Variants in MTHFD2L observed in about 807,000 individuals in gnomAD.
The protein encoded by MTHFD2L is bifunctional methylenetetrahydrofolate dehydrogenase/cyclohydrolase 2, mitochondrial.
A neutral mutation model predicts 34.9 loss-of-function variants in MTHFD2L; 29 were observed. That is an observed-to-expected ratio of 0.83 (90% confidence interval 0.62 to 1.13). The LOEUF (loss-of-function observed/expected upper bound fraction) is 1.13, where lower values mean the gene tolerates loss of function less well. Among genes scored for constraint, MTHFD2L ranks in the 50% most tolerant of loss-of-function variants. The pLI, the probability that MTHFD2L is intolerant of heterozygous loss-of-function variation, is 0.00. For synonymous variants in MTHFD2L, 167 were observed against 155.7 expected, an observed-to-expected ratio of 1.07 and a Z score of -0.54; for missense variants, 481 against 446.5, an observed-to-expected ratio of 1.08 and a Z score of -0.70.
At chr4:74,250,445 T>C (rs1560530754) in intron 6 of MTHFD2L, among the ~76,000 whole-genome samples, 1 of 152,184 alleles carries the variant, frequency 6.6e-6, no homozygotes, top group Admixed American at 6.5e-5. Flanking sequence ...ATCTTCCCTG[T>C]GAAAATGTAG....
rs561276145 is a variant in MTHFD2L, at chr4:74,133,106, G to A, written c.-297+7589G>A. 7.6e-4 allele frequency among the ~76,000 whole-genome samples: 116 copies of A among 152,218 alleles called. 3 individuals are homozygous for A. The South Asian group carries it at 0.023, about 30-fold the overall frequency. On this transcript the variant is annotated intron_variant, in intron 1 of 7. Coordinates refer to the MTHFD2L transcript ENST00000433372. ...GTAGTGGTGAATTCTCTTAGCTTTT[G>A]TCTGTGAAAGACAATTTCTCTTTGT...
chr4:74,221,144 A>G (rs1738111556), intron 5 of MTHFD2L, among the ~76,000 whole-genome samples: 1 of 151,168 alleles, frequency 6.6e-6, no homozygotes, highest in Non-Finnish European at 1.5e-5. Flanking sequence ...TTTTGTCAAT[A>G]ATTATAATTT....
At chr4:74,262,054 A>T (rs1744742339) in intron 6 of MTHFD2L, among the ~76,000 whole-genome samples, 1 of 124,350 alleles carries the variant, frequency 8.0e-6, no homozygotes, top group Non-Finnish European at 1.6e-5. Context: ...AGAAAAGACA[A>T]ATAATGGGGA....
At chr4:74,131,964 G>A (rs909709565) in intron 1 of MTHFD2L, among the ~76,000 whole-genome samples, 16 of 151,856 alleles carry the variant, frequency 1.1e-4, no homozygotes, top group African/African-American at 2.4e-4. Flanking sequence ...ACATTTATGC[G>A]GCCAAAAAAA....
In MTHFD2L at chr4:74,174,552, CAGAA is replaced by C. The variant is rs1728657305; in HGVS notation, c.196_199del (p.Glu66TyrfsTer20). On this transcript the variant is annotated frameshift_variant, in exon 2 of 8. Coordinates refer to ENST00000325278, the MANE Select transcript of MTHFD2L (RefSeq NM_001144978.3). LOFTEE classifies it high-confidence loss of function. ...AGGAACCGAAATGGCCAAGCATATC[CAGAA>C]AGAAATACAGCGAGGTGTGGAATCA... 1 of 1,597,544 alleles carries C rather than the reference CAGAA, an allele frequency of 6.3e-7. No homozygotes were observed. The highest frequency in any genetic ancestry group is 8.5e-7 in the Non-Finnish European group (1 of 1,172,984).
intron 1 of MTHFD2L, among the ~76,000 whole-genome samples, chr4:74,162,439 G>T (rs1364028864): frequency 2.0e-5 from 3 of 150,780 alleles, no homozygotes; most frequent in African/African-American, 7.3e-5. Context: ...ACTATCTAAA[G>T]ATCTAAAGAT....
intron 6 of MTHFD2L, among the ~76,000 whole-genome samples, chr4:74,235,268 T>C (rs1202061153): frequency 6.6e-6 from 1 of 152,098 alleles, no homozygotes; most frequent in Non-Finnish European, 1.5e-5. Context: ...AGCATTGATG[T>C]AGTTCTACAC....
At chr4:74,130,011 A>T (rs914494365) in intron 1 of MTHFD2L, among the ~76,000 whole-genome samples, 2 of 152,180 alleles carry the variant, frequency 1.3e-5, no homozygotes, top group Non-Finnish European at 2.9e-5. Flanking sequence ...TCCTGGACAC[A>T]TACACCCTCC....
At chr4:74,170,619 T>TA (rs1362506461) in intron 1 of MTHFD2L, among the ~76,000 whole-genome samples, 10 of 152,066 alleles carry the variant, frequency 6.6e-5, no homozygotes, top group Admixed American at 3.3e-4. Context: ...AGAACTGTTC[T>TA]AAAAACATGA....
intron 6 of MTHFD2L, among the ~76,000 whole-genome samples, chr4:74,226,295 T>TG (rs1210125824): frequency 2.0e-5 from 3 of 152,150 alleles, no homozygotes; most frequent in African/African-American, 7.2e-5. Context: ...ATATGTTCTT[T>TG]GGGGAAGGAA....
At chr4:74,275,382 T>C (rs182187336) in intron 6 of MTHFD2L, among the ~76,000 whole-genome samples, 1 of 152,280 alleles carries the variant, frequency 6.6e-6, no homozygotes, top group East Asian at 1.9e-4. Flanking sequence ...GTCTTTGTTA[T>C]TGTAAATAGC....
intron 6 of MTHFD2L, among the ~76,000 whole-genome samples, chr4:74,247,496 G>C (rs969707762): frequency 6.6e-6 from 1 of 151,982 alleles, no homozygotes; most frequent in Non-Finnish European, 1.5e-5. Flanking sequence ...AATTGCCCTG[G>C]CCAGAACTTC....
chr4:74,282,611 C>T (rs1355977320), intron 7 of MTHFD2L, among the ~76,000 whole-genome samples: 2 of 152,008 alleles, frequency 1.3e-5, no homozygotes, highest in Admixed American at 1.3e-4. Context: ...CATCAGGGAC[C>T]AGATCCAAGT....
intron 3 of MTHFD2L, among the ~76,000 whole-genome samples, chr4:74,196,088 G>A (rs1733417897): frequency 6.6e-6 from 1 of 152,030 alleles, no homozygotes; most frequent in African/African-American, 2.4e-5. Context: ...AAGACAGACT[G>A]TGTCCTAAAA....
At chr4:74,293,676 C>A in intron 7 of MTHFD2L, 1 of 182,584 alleles carries the variant, frequency 5.5e-6, no homozygotes, top group Non-Finnish European at 1.0e-5. Context: ...GTTCACCATG[C>A]TCTTAAGTGT....
At chr4:74,126,557 T>C (rs1722086097) in intron 1 of MTHFD2L, among the ~76,000 whole-genome samples, 1 of 151,914 alleles carries the variant, frequency 6.6e-6, no homozygotes, top group African/African-American at 2.4e-5. Context: ...ACTTTTTCTC[T>C]GGTGTGTGTG....
At chr4:74,190,367 G>A in intron 3 of MTHFD2L, 1 of 510,350 alleles carries the variant, frequency 2.0e-6, no homozygotes, top group Non-Finnish European at 2.5e-6. Flanking sequence ...TTTGCGTGAT[G>A]TGTAGGTTCC....
chr4:74,180,484 AT>A (rs1354284481), intron 3 of MTHFD2L, among the ~76,000 whole-genome samples: 1 of 152,124 alleles, frequency 6.6e-6, no homozygotes, highest in Non-Finnish European at 1.5e-5. Flanking sequence ...ATTTCTCACA[AT>A]TATGGCAATG....
At chr4:74,296,776 A>T (rs1437632922) in intron 7 of MTHFD2L, among the ~76,000 whole-genome samples, 6 of 152,112 alleles carry the variant, frequency 3.9e-5, no homozygotes, top group African/African-American at 1.4e-4. Context: ...ACTTAATCTC[A>T]CAAGAGATTC....
Sources: gnomAD v4.1 joint callset for allele counts (sites outside exome capture counted in the v4.1 genomes callset) on GRCh38, gnomAD v4.1.1 for gene constraint, MANE v1.5 for transcripts, NCBI Gene and HGNC (gene_info 2026-07-23, HGNC 2026-07-21) for gene names.